MIDEAS: variants seen among roughly 807,000 people sequenced by gnomAD.
MIDEAS encodes the protein mitotic deacetylase associated SANT domain protein.
A neutral mutation model predicts 102.7 loss-of-function variants in MIDEAS; 26 were observed. The ratio of observed to expected loss-of-function variants is 0.25; its 90% CI spans 0.19 to 0.35. The LOEUF (loss-of-function observed/expected upper bound fraction) is 0.35. Ranked by LOEUF, MIDEAS falls within the 10% of genes least tolerant of loss-of-function variation. The pLI is 1.00. For missense variants in MIDEAS, 1,231 were observed against 1,435.6 expected (o/e 0.86, Z 2.30); for synonymous variants, 585 against 591.0 (o/e 0.99, Z 0.15).
chr14:73,737,964 G>GT (rs1392554389), intron 2 of MIDEAS, among the ~76,000 whole-genome samples: 1 of 151,480 alleles, frequency 6.6e-6, no homozygotes, highest in Non-Finnish European at 1.5e-5. Context: ...GTGTTTTTTG[G>GT]TAGAGATAGG....
intron 1 of MIDEAS, among the ~76,000 whole-genome samples, chr14:73,785,527 C>T (rs2053799104): frequency 6.6e-6 from 1 of 152,198 alleles, no homozygotes. Context: ...GAATTAGGAC[C>T]TACCACCTAC....
At chr14:73,752,973 G>C (rs1186393908) in intron 1 of MIDEAS, among the ~76,000 whole-genome samples, 1 of 152,148 alleles carries the variant, frequency 6.6e-6, no homozygotes, top group Non-Finnish European at 1.5e-5. Context: ...AGCCAAGAAG[G>C]GAGACCAAAG....
At chr14:73,735,579 A>G (rs189049268) in intron 3 of MIDEAS, among the ~76,000 whole-genome samples, 42 of 152,376 alleles carry the variant, frequency 2.8e-4, no homozygotes, top group African/African-American at 9.9e-4. Flanking sequence ...AACAAATCCC[A>G]ATGTATGCCA....
chr14:73,755,768 C>T (rs780693512), intron 1 of MIDEAS, among the ~76,000 whole-genome samples: 4 of 152,208 alleles, frequency 2.6e-5, no homozygotes, highest in Admixed American at 2.0e-4. Context: ...TTTATACAAG[C>T]TTCAGTGGCC....
chr14:73,721,709 G>A (rs539578276), intron 10 of MIDEAS, 200 bp from the exon 11 acceptor site: 143 of 570,622 alleles, frequency 2.5e-4, no homozygotes, highest in African/African-American at 2.1e-3. Flanking sequence ...TCAAGCCCTG[G>A]GAGCACCTGA....
At chr14:73,771,085 G>A (rs1195215763) in intron 1 of MIDEAS, among the ~76,000 whole-genome samples, 1 of 152,038 alleles carries the variant, frequency 6.6e-6, no homozygotes, top group East Asian at 1.9e-4. Context: ...GCCATCACTT[G>A]CCATGGAACA....
At chr14:73,767,052 G>A (rs1195212059) in intron 1 of MIDEAS, among the ~76,000 whole-genome samples, 4 of 150,834 alleles carry the variant, frequency 2.7e-5, no homozygotes, top group Non-Finnish European at 5.9e-5. Flanking sequence ...ATGGGGTTTC[G>A]TTATGTTGGC....
chr14:73,759,637 C>G lies in MIDEAS; in HGVS notation c.-248+126G>C, dbSNP rs1231992726. ...AGCGCAGCGGCCCCCGCGGCCCCCT[C>G]TCCGGGCCGCGCCTGCAGAGCTGCA... is the stretch of plus-strand genomic sequence containing the variant. On this transcript the variant is annotated intron_variant, in intron 1 of 12. Coordinates refer to ENST00000423556, the MANE Select transcript of MIDEAS (RefSeq NM_001367710.1). This position sits in a 1 kb window ranked among gnomAD's most constrained non-coding sequence, Gnocchi z 6.7. 6.7e-6 allele frequency: 1 copy of G among 149,956 alleles called. No homozygotes were observed. The highest frequency in any genetic ancestry group is 1.9e-4 in the East Asian group (1 of 5,140). The allele number at this position is 149,956 out of a possible 1,614,324, so 9.3% of individuals were successfully genotyped here. A position where few individuals can be genotyped will look rare whatever the true frequency, so the allele number is the denominator to read the frequency against.
Position 73,738,711 on chromosome 14 carries a change from C to A in MIDEAS, c.1298G>T (p.Gly433Val), listed in dbSNP as rs2053237370. Residue 433 changes from glycine (G) to valine (V), a missense_variant, in exon 2 of 13, where the codon GGC becomes GTC. Around this residue, in one of 5 missense-constraint regions of MIDEAS, gnomAD observed 758 missense variants for 856.0 expected, o/e 0.89. Transcript: ENST00000423556. ...GTCCCCTGTGCTCACTGCCCTCATG[C>A]CCTCCTCGCTGCCCATGGCAGGAGC... is the stretch of plus-strand genomic sequence containing the variant. ...REAPAMGSEE[G>V]MRAVSTGDCG... The A allele has an allele frequency of 6.2e-7, 1 of 1,613,592 alleles. No homozygotes were observed. The highest frequency in any genetic ancestry group is 1.3e-5 in the African/African-American group (1 of 75,062).
In MIDEAS at chr14:73,769,902, G is replaced by GTT. The variant is rs796246766; in HGVS notation, c.-248+17198_-248+17199dup. Among the ~76,000 whole-genome samples the GTT allele has an allele frequency of 6.5e-3, 718 of 109,740 alleles. 13 individuals are homozygous for GTT. The highest frequency in any genetic ancestry group is 0.021 in the African/African-American group (552 of 26,800). 72.0% of individuals were successfully genotyped at this position (109,740 alleles called of 152,430 possible). A position where few individuals can be genotyped will look rare whatever the true frequency, so the allele number is the denominator to read the frequency against. On this transcript the variant is annotated intron_variant, in intron 1 of 11. Transcript: ENST00000394071. Reference sequence around the variant, plus strand: ...GGTGTGAGCCACCGTGCCCGGCTGGGTTTTTTTTTTTGTTTTTTTTTTTTA... The same window carrying GTT: ...GGTGTGAGCCACCGTGCCCGGCTGGGTTTTTTTTTTTTTGTTTTTTTTTTTTA...
At chr14:73,757,279 C>CAAAAAAAAAAAAAAAAAAAAAAAAAA (rs370387448) in intron 1 of MIDEAS, among the ~76,000 whole-genome samples, 22 of 67,696 alleles carry the variant, frequency 3.2e-4, no homozygotes, top group East Asian at 9.3e-4. Flanking sequence ...CTCTAACAAC[C>CAAAAAAAAAAAAAAAAAAAAAAAAAA]AAAAAAAAAA....
rs1047421823 is a variant in MIDEAS at position 73,716,393 on chromosome 14, G to A, written c.*2450C>T. 1.4e-4 allele frequency: 21 copies of A among 152,026 alleles called. 1 individual carries two copies. Among genetic ancestry groups the A allele is most frequent in the African/African-American group, 5.1e-4 (21 of 41,434 alleles). The allele number at this position is 152,026 out of a possible 1,614,324, so 9.4% of individuals were successfully genotyped here. A position where few individuals can be genotyped will look rare whatever the true frequency, so the allele number is the denominator to read the frequency against. ...ATCACTTTATTTTTTAAAGACTTCC[G>A]GCCAGGCACGGTGGTTCACGCCTGT... On this transcript the variant is annotated 3_prime_UTR_variant, in exon 13 of 13. Coordinates refer to ENST00000423556, the MANE Select transcript of MIDEAS (RefSeq NM_001367710.1).
chr14:73,721,150 A>G, intron 11 of MIDEAS, 147 bp downstream of exon 11: 1 of 750,098 alleles, frequency 1.3e-6, no homozygotes, highest in Admixed American at 2.3e-5. Flanking sequence ...TGAGGATTAA[A>G]TGAGTTAACA....
chr14:73,772,279 T>C (rs1201174476), intron 1 of MIDEAS, among the ~76,000 whole-genome samples: 1 of 152,158 alleles, frequency 6.6e-6, no homozygotes, highest in Admixed American at 6.5e-5. Flanking sequence ...CCTTGTCTTA[T>C]AAATAAAAAA....
chr14:73,748,424 G>A (rs914109281), intron 1 of MIDEAS, among the ~76,000 whole-genome samples: 14 of 152,196 alleles, frequency 9.2e-5, no homozygotes, highest in African/African-American at 2.6e-4. Context: ...CCAGCTACTC[G>A]GGAGGCTGAG....
chr14:73,715,864 A>C lies in MIDEAS; in HGVS notation c.*2979T>G, dbSNP rs1412795125. 1 of 152,572 alleles carries C rather than the reference A, an allele frequency of 6.6e-6. No homozygotes were observed. The highest frequency in any genetic ancestry group is 1.5e-5 in the Non-Finnish European group (1 of 68,136). The allele number at this position is 152,572 out of a possible 1,614,324, so 9.5% of individuals were successfully genotyped here. ...GTGCCAGGGGTGGAGGCGCGGCAGA[A>C]GGGGTGGTATGTACCTTAGCTGTGA... On this transcript the variant is annotated 3_prime_UTR_variant, in exon 13 of 13. Transcript: ENST00000423556.
rs1413453295 is a variant in MIDEAS, at chr14:73,718,895, G to A, written c.3248C>T (p.Ala1083Val). Residue 1083 changes from alanine to valine, a missense_variant, in exon 13 of 13, where the codon GCC becomes GTC. Ala to Val is a moderately conservative substitution (Grantham distance 64). Coordinates refer to ENST00000423556, the MANE Select transcript of MIDEAS (RefSeq NM_001367710.1). ...KEKEAAAAAA[A>V]AHQQALREES... ...CTCCCGCAGGGCCTGCTGGTGGGCG[G>A]CGGCGGCGGCAGCAGCGGCCTCTTT... 10 of 1,519,868 alleles carry A rather than the reference G, an allele frequency of 6.6e-6. No individual in the cohort carries two copies. The South Asian group carries it at 1.2e-4, about 18-fold the overall frequency. The allele number at this position is 1,519,868 out of a possible 1,614,324, so 94.1% of individuals were successfully genotyped here. A position where few individuals can be genotyped will look rare whatever the true frequency, so the allele number is the denominator to read the frequency against.
intron 1 of MIDEAS, among the ~76,000 whole-genome samples, chr14:73,740,823 TC>T (rs1472931179): frequency 3.3e-5 from 5 of 152,130 alleles, no homozygotes; most frequent in Non-Finnish European, 7.4e-5. Flanking sequence ...ACAGGGTCAT[TC>T]CCGACGTGGC....
intron 1 of MIDEAS, among the ~76,000 whole-genome samples, chr14:73,775,683 T>C (rs926429985): frequency 2.0e-5 from 3 of 152,090 alleles, no homozygotes; most frequent in Non-Finnish European, 4.4e-5. Context: ...ACTGCATTTT[T>C]CCTTTTAAGG....
Sources: allele counts gnomAD v4.1 joint callset (sites outside exome capture counted in the v4.1 genomes callset), GRCh38; gene constraint gnomAD v4.1.1; regional missense constraint gnomAD v4.1.1; non-coding constraint Gnocchi (gnomAD v3.1); transcripts MANE v1.5; gene names NCBI Gene and HGNC (gene_info 2026-07-23, HGNC 2026-07-21).